Variants in LHCGR observed in about 807,000 individuals in gnomAD.
LHCGR encodes luteinizing hormone/choriogonadotropin receptor.
LHCGR carries 55 observed loss-of-function variants against 60.7 expected under a neutral mutation model. That is an observed-to-expected ratio of 0.91 (90% CI 0.73 to 1.13). LHCGR has a LOEUF of 1.13. Among genes scored for constraint, LHCGR ranks in the 50% most tolerant of loss-of-function variants. LHCGR has a pLI of 0.00. For missense variants in LHCGR, 862 were observed against 836.0 expected, an observed-to-expected ratio of 1.03 and a Z score of -0.38; for synonymous variants, 337 against 316.5, an observed-to-expected ratio of 1.06 and a Z score of -0.69.
Position 48,708,971 on chromosome 2 carries a change from A to G in LHCGR, c.657T>C (p.Arg219=). The part of the protein sequence containing the change: ...HLEKMHNGAF[R]GATGPKTLDI... ...ACAAGGTTTTCGGCCCTGTGGCCCC[A>G]CGGAAGGCTCCATTGTGCATCTTCT... The change falls in exon 8 of 11, where the codon CGT becomes CGC. Residue 219 remains arginine, a synonymous_variant. Transcript: ENST00000294954. 1 of 1,614,168 alleles carries G rather than the reference A, an allele frequency of 6.2e-7. No homozygotes were observed. Among genetic ancestry groups the G allele is most frequent in the Non-Finnish European group, 8.5e-7 (1 of 1,180,016 alleles).
At chr2:48,709,158 A>C in intron 7 of LHCGR, 136 bp from the exon 8 acceptor site, 2 of 723,290 alleles carry the variant, frequency 2.8e-6, no homozygotes, top group Non-Finnish European at 5.0e-6. Flanking sequence ...AAGTGGAGGG[A>C]AAGTGGGAAA....
chr2:48,714,420 G>T (rs1668141921), intron 6 of LHCGR, among the ~76,000 whole-genome samples: 1 of 152,008 alleles, frequency 6.6e-6, no homozygotes, highest in Admixed American at 6.6e-5. Flanking sequence ...AGGCCGGTGT[G>T]GGCATATGGG....
intron 6 of LHCGR, among the ~76,000 whole-genome samples, chr2:48,716,407 T>C (rs530487982): frequency 1.2e-4 from 18 of 152,346 alleles, no homozygotes; most frequent in African/African-American, 2.4e-4. Context: ...TGCCAGGCAC[T>C]GTTCTAGATA....
chr2:48,730,208 A>G (rs1422968120), intron 2 of LHCGR, among the ~76,000 whole-genome samples: 2 of 152,188 alleles, frequency 1.3e-5, no homozygotes, highest in African/African-American at 4.8e-5. Context: ...ACAGGAATGG[A>G]TTATTCTTGG....
intron 6 of LHCGR, chr2:48,720,519 C>A (rs1329022378): frequency 1.3e-5 from 2 of 152,220 alleles, no homozygotes; most frequent in Non-Finnish European, 2.9e-5. Context: ...ACCTCCAAGC[C>A]TGTCTCCTTG....
At chr2:48,717,545 A>G (rs902507670) in intron 6 of LHCGR, among the ~76,000 whole-genome samples, 2 of 151,790 alleles carry the variant, frequency 1.3e-5, no homozygotes, top group African/African-American at 4.8e-5. Context: ...TGTTGATCTT[A>G]TTATTATTAT....
chr2:48,698,498 G>A lies in LHCGR; in HGVS notation c.866+117C>T, dbSNP rs572349987. The A allele has an allele frequency of 1.1e-4, 88 of 797,104 alleles. 3 individuals carry two copies. The highest frequency in any genetic ancestry group is 1.1e-3 in the South Asian group (76 of 71,552). 49.4% of individuals were successfully genotyped at this position (797,104 alleles called of 1,614,324 possible). The stretch of plus-strand genomic sequence containing the variant: ...TATTTGAAAGTGACCCCATGTCTAC[G>A]GAGCTGGCCAAGAAGGTAGGGAGTG... On this transcript the variant is annotated intron_variant, in intron 9 of 10. Coordinates refer to ENST00000294954, the MANE Select transcript of LHCGR (RefSeq NM_000233.4).
chr2:48,697,141 C>T (rs533155202), intron 9 of LHCGR, among the ~76,000 whole-genome samples: 9 of 152,302 alleles, frequency 5.9e-5, no homozygotes, highest in Non-Finnish European at 1.2e-4. Context: ...TTCAATTTTT[C>T]TGAGTGAGTT....
At chr2:48,719,860 C>G (rs147097806) in intron 6 of LHCGR, among the ~76,000 whole-genome samples, 9 of 152,314 alleles carry the variant, frequency 5.9e-5, no homozygotes, top group African/African-American at 2.2e-4. Flanking sequence ...AACTTTATAG[C>G]TGAGAAAATA....
intron 1 of LHCGR, among the ~76,000 whole-genome samples, chr2:48,741,749 A>G (rs1268234827): frequency 1.3e-5 from 2 of 151,866 alleles, no homozygotes; most frequent in Non-Finnish European, 2.9e-5. Flanking sequence ...GCCAAAATGT[A>G]AAGACCATCG....
intron 10 of LHCGR, among the ~76,000 whole-genome samples, chr2:48,693,418 TG>T (rs923818926): frequency 6.6e-6 from 1 of 152,298 alleles, no homozygotes; most frequent in African/African-American, 2.4e-5. Context: ...ATACTTGGAA[TG>T]GAACCCCAAA....
chr2:48,688,303 A>G lies in LHCGR; in HGVS notation c.1494T>C (p.Ala498=). ...TGCTGACACCGACAAGGGGCAACAT[A>G]GCAATTAGAGAAGAAAAGAGCCATC... The part of the protein sequence containing the change: ...LGGWLFSSLI[A]MLPLVGVSNY... The change falls in exon 11 of 11, where the codon GCT becomes GCC. Residue 498 remains alanine, a synonymous_variant. Coordinates refer to ENST00000294954, the MANE Select transcript of LHCGR (RefSeq NM_000233.4). The surrounding 1 kb of genome is among the most constrained non-coding windows in gnomAD (Gnocchi z 5.2). The G allele has an allele frequency of 6.2e-7, 1 of 1,614,180 alleles. No homozygotes were observed. The highest frequency in any genetic ancestry group is 8.5e-7 in the Non-Finnish European group (1 of 1,180,030).
In LHCGR at chr2:48,752,082, A is replaced by AT. The variant is rs1397738450; in HGVS notation, c.161+3428dup. On this transcript the variant is annotated intron_variant, in intron 1 of 10. Transcript: ENST00000294954. The stretch of plus-strand genomic sequence containing the variant: ...ATTTTTTAAATCAGTTTTTTCTTTC[A>AT]TTTTTTCCCCAATTAAAGTGAGTGA... Among the ~76,000 whole-genome samples the AT allele has an allele frequency of 2.0e-5, 3 of 152,194 alleles. No homozygotes were observed. In the South Asian group the frequency reaches 6.2e-4, roughly 31 times the overall value.
Position 48,708,449 on chromosome 2 carries a change from C to G in LHCGR, c.680+499G>C, listed in dbSNP as rs544298437. On this transcript the variant is annotated intron_variant, in intron 8 of 10. Coordinates refer to ENST00000294954, the MANE Select transcript of LHCGR (RefSeq NM_000233.4). Reference sequence around the variant, plus strand: ...CTCAGACCTTATTTAGAGATAGGGTCTTTACAGAGGTAATGAAGTTAAAAT... The same window carrying G: ...CTCAGACCTTATTTAGAGATAGGGTGTTTACAGAGGTAATGAAGTTAAAAT... Among the ~76,000 whole-genome samples the G allele has an allele frequency of 2.6e-5, 4 of 152,222 alleles. No homozygotes were observed. In the South Asian group the frequency reaches 8.3e-4, roughly 32 times the overall value.
intron 1 of LHCGR, among the ~76,000 whole-genome samples, chr2:48,753,466 C>T (rs1308895349): frequency 2.0e-5 from 3 of 152,138 alleles, no homozygotes; most frequent in South Asian, 2.1e-4. Flanking sequence ...AGGGTCACCA[C>T]GCTTGGCTAA....
At chr2:48,698,847 A>AT (rs70946824) in intron 8 of LHCGR, 47 bp from the exon 9 acceptor site, 249 of 973,610 alleles carry the variant, frequency 2.6e-4, no homozygotes, top group Non-Finnish European at 2.8e-4. Flanking sequence ...TATTTTATAC[A>AT]TTTTTTTTTT....
intron 8 of LHCGR, 116 bp downstream of exon 8, chr2:48,708,832 T>G: frequency 1.2e-6 from 1 of 834,498 alleles, no homozygotes; most frequent in Admixed American, 1.7e-5. Flanking sequence ...AGCAGCCTTT[T>G]CAGGTGTAGA....
intron 1 of LHCGR, among the ~76,000 whole-genome samples, chr2:48,754,219 A>G (rs1273163499): frequency 6.6e-6 from 1 of 152,234 alleles, no homozygotes; most frequent in Non-Finnish European, 1.5e-5. Context: ...TCTCTCAACC[A>G]CAATTATTCC....
rs562308309 is a variant in LHCGR, at chr2:48,748,563, T to C, written c.161+6948A>G. 9.2e-5 allele frequency among the ~76,000 whole-genome samples: 14 copies of C among 152,322 alleles called. No homozygotes were observed. The East Asian group carries it at 2.5e-3, about 27-fold the overall frequency. Reference sequence around the variant, plus strand: ...CAGGTTGAGAAGGCCTAGTGGGTCATTTTCTCTAATTAACACCTCCCAGGA... The same window carrying C: ...CAGGTTGAGAAGGCCTAGTGGGTCACTTTCTCTAATTAACACCTCCCAGGA... On this transcript the variant is annotated intron_variant, in intron 1 of 10. Transcript: ENST00000294954.
Sources: allele counts gnomAD v4.1 joint callset (sites outside exome capture counted in the v4.1 genomes callset), GRCh38; gene constraint gnomAD v4.1.1; non-coding constraint Gnocchi (gnomAD v3.1); transcripts MANE v1.5; gene names NCBI Gene and HGNC (gene_info 2026-07-23, HGNC 2026-07-21).